CYP26C1: variants seen among roughly 807,000 people sequenced by gnomAD.
CYP26C1 encodes cytochrome P450 family 26 subfamily C member 1.
In CYP26C1, 41 loss-of-function variants were observed where a neutral mutation model predicts 39.1. That is an observed-to-expected ratio of 1.05 (90% CI 0.82 to 1.36). The LOEUF is 1.36. CYP26C1 is among the 40% of genes most tolerant of loss of function. The pLI, the probability that CYP26C1 is intolerant of heterozygous loss-of-function variation, is 0.00. For missense variants in CYP26C1, 833 were observed against 752.0 expected, an observed-to-expected ratio of 1.11 and a Z score of -1.26; for synonymous variants, 362 against 350.8, an observed-to-expected ratio of 1.03 and a Z score of -0.36.
chr10:93,063,744 A>C, intron 3 of CYP26C1: 1 of 983,208 alleles, frequency 1.0e-6, no homozygotes, highest in Non-Finnish European at 1.2e-6. Flanking sequence ...TTTATTGGCC[A>C]AACTTATTTT....
chr10:93,068,812 T>C lies in CYP26C1; in HGVS notation c.*115T>C, dbSNP rs1412393932. ...GCCCACTCTTTCACTCGTTCAACAA[T>C]CTTTCAACAAATGTTCGCCAAACGC... On this transcript the variant is annotated 3_prime_UTR_variant, in exon 6 of 6. Coordinates refer to ENST00000651965, the MANE Select transcript of CYP26C1 (RefSeq NM_183374.3). 2 of 1,389,644 alleles carry C rather than the reference T, an allele frequency of 1.4e-6. No individual in the cohort carries two copies. The highest frequency in any genetic ancestry group is 1.9e-6 in the Non-Finnish European group (2 of 1,066,932). 86.1% of individuals were successfully genotyped at this position (1,389,644 alleles called of 1,614,324 possible). A position where few individuals can be genotyped will look rare whatever the true frequency, so the allele number is the denominator to read the frequency against.
Position 93,063,170 on chromosome 10 carries a change from C to T in CYP26C1, c.705+175C>T, listed in dbSNP as rs552814632. 1,826 of 1,387,850 alleles carry T rather than the reference C, an allele frequency of 1.3e-3. 20 individuals carry two copies. The African/African-American group carries it at 0.024, about 18-fold the overall frequency. The allele number at this position is 1,387,850 out of a possible 1,614,324, so 86.0% of individuals were successfully genotyped here. On this transcript the variant is annotated intron_variant, in intron 3 of 5. Coordinates refer to ENST00000651965, the MANE Select transcript of CYP26C1 (RefSeq NM_183374.3). ...CGGTGGCGTGGCGGTGGGCTCTGGG[C>T]CTGGCCTCTGTGCTGGTTCGCTGGT... is the stretch of plus-strand genomic sequence containing the variant.
intron 5 of CYP26C1, among the ~76,000 whole-genome samples, chr10:93,067,442 G>A (rs899579568): frequency 6.6e-6 from 1 of 152,224 alleles, no homozygotes; most frequent in Admixed American, 6.5e-5. Context: ...CATTCTGCAG[G>A]CGCTGGAGTG....
chr10:93,066,076 G>A lies in CYP26C1; in HGVS notation c.982G>A (p.Ala328Thr). The A allele has an allele frequency of 6.7e-7, 1 of 1,483,768 alleles. No individual in the cohort carries two copies. The allele number at this position is 1,483,768 out of a possible 1,614,324, so 91.9% of individuals were successfully genotyped here. ...CGCCAAGATTCGGGAGGAGCTGGTG[G>A]CGCAGGGGCTGGGGCGCGCGTGCGG... The part of the protein sequence containing the change: ...AIAKIREELV[A>T]QGLGRACGCA... The change falls in exon 5 of 6, where the codon GCG becomes ACG. Residue 328 changes from alanine (A) to threonine (T), a missense_variant. Ala to Thr is a moderately conservative substitution (Grantham distance 58). Transcript: ENST00000651965.
chr10:93,065,828 C>A, intron 4 of CYP26C1, 128 bp from the exon 5 acceptor site: 1 of 857,304 alleles, frequency 1.2e-6, no homozygotes, highest in Non-Finnish European at 1.6e-6. Flanking sequence ...GCGGTAATAG[C>A]ACTTCCCTGC....
At chr10:93,064,214 C>T in intron 3 of CYP26C1, 167 bp from the exon 4 acceptor site, 1 of 1,420,378 alleles carries the variant, frequency 7.0e-7, no homozygotes, top group South Asian at 1.5e-5. Context: ...GGACATATCC[C>T]CGACCATTTA....
intron 4 of CYP26C1, chr10:93,064,788 A>G: frequency 8.4e-7 from 1 of 1,187,232 alleles, no homozygotes. Context: ...CCATCTTTGC[A>G]GGTTTCTGGC....
rs756684774 is a variant in CYP26C1, at chr10:93,068,727, CG to C, written c.*32del. ...CTTGCGCTCTAGGACACGGCTTGGC[CG>C]GTGGCTATGGCGCGCACGCAGCGCC... On this transcript the variant is annotated 3_prime_UTR_variant, in exon 6 of 6. Transcript: ENST00000651965. 1 of 1,479,596 alleles carries C rather than the reference CG, an allele frequency of 6.8e-7. No individual in the cohort carries two copies. The highest frequency in any genetic ancestry group is 2.5e-5 in the East Asian group (1 of 40,104). The allele number at this position is 1,479,596 out of a possible 1,614,324, so 91.7% of individuals were successfully genotyped here. A position where few individuals can be genotyped will look rare whatever the true frequency, so the allele number is the denominator to read the frequency against.
chr10:93,065,861 A>T, intron 4 of CYP26C1, 95 bp from the exon 5 acceptor site: 1 of 1,237,256 alleles, frequency 8.1e-7, no homozygotes, highest in Non-Finnish European at 1.1e-6. Context: ...CGCAATAGTA[A>T]ATTTGGGTGC....
chr10:93,065,685 A>G (rs1482146180), intron 4 of CYP26C1, among the ~76,000 whole-genome samples: 1 of 152,222 alleles, frequency 6.6e-6, no homozygotes, highest in Non-Finnish European at 1.5e-5. Context: ...TGCTTAGAGT[A>G]AGTTCCCGCA....
At chr10:93,061,901 G>A in intron 1 of CYP26C1, 109 bp from the exon 2 acceptor site, 5 of 1,130,186 alleles carry the variant, frequency 4.4e-6, no homozygotes, top group Non-Finnish European at 6.2e-6. Context: ...TTTTGTAAAC[G>A]CGCCAGCCAG....
intron 4 of CYP26C1, 149 bp from the exon 5 acceptor site, chr10:93,065,807 A>T: frequency 1.5e-6 from 1 of 669,254 alleles, no homozygotes; most frequent in Non-Finnish European, 2.2e-6. Flanking sequence ...AAAACCGTAC[A>T]CACAGTCGCG....
chr10:93,062,062 C>G lies in CYP26C1; in HGVS notation c.257C>G (p.Thr86Arg), dbSNP rs1168745568. The change falls in exon 2 of 6, where the codon ACG (threonine) becomes AGG (arginine). Residue 86 changes from threonine (T) to arginine (R), a missense_variant. By Grantham distance (71) the Thr-to-Arg change is moderately conservative. Transcript: ENST00000651965. ...RRERYGTVFK[T>R]HLLGRPVIRV... ...GAGCGCTATGGGACAGTGTTCAAGA[C>G]GCACCTGCTGGGCAGGCCAGTGATC... 6.3e-7 allele frequency: 1 copy of G among 1,581,486 alleles called. No individual in the cohort carries two copies. Among genetic ancestry groups the G allele is most frequent in the Non-Finnish European group, 8.6e-7 (1 of 1,164,820 alleles).
intron 5 of CYP26C1, 74 bp downstream of exon 5, chr10:93,066,359 G>A: frequency 1.0e-6 from 1 of 977,504 alleles, no homozygotes; most frequent in Non-Finnish European, 1.3e-6. Flanking sequence ...GCCGCCTGCC[G>A]CGGCGGCGCC....
intron 2 of CYP26C1, 71 bp downstream of exon 2, chr10:93,062,305 C>T (rs1289007692): frequency 3.5e-6 from 5 of 1,441,010 alleles, no homozygotes; most frequent in Admixed American, 2.3e-5. Flanking sequence ...TGGGCCAGGC[C>T]GGGGCCCCGG....
rs538596241 is a variant in CYP26C1 at position 93,062,181 on chromosome 10, G to A, written c.376G>A (p.Gly126Ser). The change falls in exon 2 of 6, where the codon GGC (glycine) becomes AGC (serine). Residue 126 changes from glycine to serine, a missense_variant. By Grantham distance (56) the Gly-to-Ser change is moderately conservative. Coordinates refer to ENST00000651965, the MANE Select transcript of CYP26C1 (RefSeq NM_183374.3). ...QWPQSAHILL[G>S]SHTLLGAVGE... ...GCCGCAGAGTGCGCACATCCTGCTG[G>A]GCTCGCACACACTGCTAGGTGCGGT... 3 of 1,537,206 alleles carry A rather than the reference G, an allele frequency of 2.0e-6. No homozygotes were observed. In the African/African-American group the frequency reaches 4.1e-5, roughly 21 times the overall value.
intron 5 of CYP26C1, among the ~76,000 whole-genome samples, chr10:93,068,026 A>G (rs944956872): frequency 2.0e-5 from 3 of 152,192 alleles, no homozygotes; most frequent in Admixed American, 6.5e-5. Context: ...CTGAACACTC[A>G]TATGTGCCAA....
At chr10:93,063,152 G>GTGGCGGTGGCC (rs1278735812) in intron 3 of CYP26C1, 157 bp downstream of exon 3, 9 of 1,396,562 alleles carry the variant, frequency 6.4e-6, no homozygotes, top group Non-Finnish European at 5.5e-6. Flanking sequence ...TGGCGGTGGC[G>GTGGCGGTGGCC]TGGCGGTGGG....
rs554623970 is a variant in CYP26C1, at chr10:93,062,877, T to C, written c.587T>C (p.Ile196Thr). The C allele has an allele frequency of 6.2e-7, 1 of 1,604,640 alleles. No homozygotes were observed. The highest frequency in any genetic ancestry group is 1.3e-5 in the African/African-American group (1 of 74,878). The change falls in exon 3 of 6, where the codon ATC becomes ACC. Residue 196 changes from isoleucine to threonine, a missense_variant. By Grantham distance (89) the Ile-to-Thr change is moderately conservative. Transcript: ENST00000651965. ...CTCACCTTCCGCATGGCCGCGCGCA[T>C]CCTGCTGGGGTTGCGGCTGGACGAG... ...KALTFRMAAR[I>T]LLGLRLDEAQ... is the part of the protein sequence containing the mutation.
Sources: allele counts gnomAD v4.1 joint callset (sites outside exome capture counted in the v4.1 genomes callset), GRCh38; gene constraint gnomAD v4.1.1; transcripts MANE v1.5; gene names NCBI Gene and HGNC (gene_info 2026-07-23, HGNC 2026-07-21).